The following BMPER variants were observed in gnomAD, a reference collection of about 807,000 sequenced individuals.
BMPER encodes the protein BMP-binding endothelial regulator protein.
A neutral mutation model predicts 87.3 loss-of-function variants in BMPER; 45 were observed. The ratio of observed to expected loss-of-function variants is 0.52; its 90% CI spans 0.41 to 0.66. The LOEUF is 0.66. BMPER is among the 30% of genes least tolerant of loss of function. The pLI, the probability that BMPER is intolerant of heterozygous loss-of-function variation, is 0.00. For synonymous variants in BMPER, 326 were observed against 316.2 expected, an observed-to-expected ratio of 1.03 and a Z score of -0.33; for missense variants, 784 against 867.5, an observed-to-expected ratio of 0.90 and a Z score of 1.21.
intron 13 of BMPER, among the ~76,000 whole-genome samples, chr7:34,136,260 T>A (rs1442424346): frequency 6.6e-6 from 1 of 152,090 alleles, no homozygotes; most frequent in Non-Finnish European, 1.5e-5. Context: ...TCTGGCCGTG[T>A]TTTTCATGTG....
chr7:33,963,471 T>G (rs1360549768), intron 3 of BMPER, among the ~76,000 whole-genome samples: 3 of 152,174 alleles, frequency 2.0e-5, no homozygotes, highest in Non-Finnish European at 4.4e-5. Context: ...TTATATTTTA[T>G]AAAAGTATCA....
At chr7:34,101,262 A>C (rs1188487963) in intron 13 of BMPER, among the ~76,000 whole-genome samples, 1 of 152,140 alleles carries the variant, frequency 6.6e-6, no homozygotes, top group African/African-American at 2.4e-5. Flanking sequence ...GTAACTGTTT[A>C]GTGGAATAGA....
intron 6 of BMPER, among the ~76,000 whole-genome samples, chr7:34,040,024 C>T (rs1260170095): frequency 6.6e-6 from 1 of 151,816 alleles, no homozygotes; most frequent in Admixed American, 6.6e-5. Flanking sequence ...CTAGATGATA[C>T]CACCACCTCT....
intron 2 of BMPER, among the ~76,000 whole-genome samples, chr7:33,928,278 G>C (rs1444122174): frequency 6.6e-6 from 1 of 152,220 alleles, no homozygotes; most frequent in East Asian, 1.9e-4. Context: ...TTGCTTTTGG[G>C]AACTGAGCAC....
intron 13 of BMPER, among the ~76,000 whole-genome samples, chr7:34,138,568 A>C (rs141192826): frequency 4.2e-4 from 64 of 152,316 alleles, no homozygotes; most frequent in Non-Finnish European, 7.3e-4. Flanking sequence ...CTTGGCTGCC[A>C]GGCAAGATGC....
intron 11 of BMPER, among the ~76,000 whole-genome samples, chr7:34,065,829 G>A (rs375923357): frequency 4.6e-5 from 7 of 152,112 alleles, no homozygotes; most frequent in African/African-American, 1.4e-4. Context: ...CCACTCTTAC[G>A]TGTTTTCAGC....
At chr7:33,981,747 A>G (rs929440414) in intron 6 of BMPER, among the ~76,000 whole-genome samples, 13 of 152,170 alleles carry the variant, frequency 8.5e-5, no homozygotes, top group Admixed American at 4.6e-4. Flanking sequence ...GTCTTTACCA[A>G]TTCGGCAGAG....
At chr7:34,130,235 A>G (rs1790547734) in intron 13 of BMPER, among the ~76,000 whole-genome samples, 3 of 151,112 alleles carry the variant, frequency 2.0e-5, no homozygotes, top group Admixed American at 1.3e-4. Flanking sequence ...CCTTCAAATT[A>G]TCTCCTCATT....
intron 13 of BMPER, among the ~76,000 whole-genome samples, chr7:34,102,080 G>A (rs773013196): frequency 1.1e-4 from 17 of 152,100 alleles, no homozygotes; most frequent in Non-Finnish European, 2.1e-4. Flanking sequence ...AAGCCAGGGC[G>A]AATTTCACTT....
chr7:34,033,937 G>A (rs73329135), intron 6 of BMPER, among the ~76,000 whole-genome samples: 18,660 of 152,206 alleles, frequency 0.12, 1,633 homozygotes, highest in African/African-American at 0.25. Flanking sequence ...CTGAAATAAG[G>A]TACTAACTAA....
At chr7:34,124,569 T>G (rs972326557) in intron 13 of BMPER, among the ~76,000 whole-genome samples, 1 of 152,154 alleles carries the variant, frequency 6.6e-6, no homozygotes, top group Non-Finnish European at 1.5e-5. Context: ...GCTGATTTTT[T>G]TGAAGTTTCT....
chr7:34,132,224 G>T (rs923026670), intron 13 of BMPER, among the ~76,000 whole-genome samples: 1 of 152,132 alleles, frequency 6.6e-6, no homozygotes, highest in East Asian at 1.9e-4. Flanking sequence ...GAAGGCATTT[G>T]CTCTCAAGTG....
At chr7:34,138,891 T>C (rs1221815520) in intron 13 of BMPER, among the ~76,000 whole-genome samples, 1 of 152,158 alleles carries the variant, frequency 6.6e-6, no homozygotes, top group Non-Finnish European at 1.5e-5. Context: ...AAGCCATAAA[T>C]CTCAGTCACT....
chr7:34,102,021 A>G (rs191472506), intron 13 of BMPER, among the ~76,000 whole-genome samples: 82 of 152,336 alleles, frequency 5.4e-4, no homozygotes, highest in African/African-American at 1.9e-3. Context: ...TTAAAGTTGT[A>G]ACACATTTCA....
intron 2 of BMPER, among the ~76,000 whole-genome samples, chr7:33,918,582 C>G (rs1784140150): frequency 6.6e-6 from 1 of 152,056 alleles, no homozygotes; most frequent in Non-Finnish European, 1.5e-5. Flanking sequence ...TTTTTTTGGT[C>G]TCAGGGGAAC....
intron 11 of BMPER, 137 bp downstream of exon 11, chr7:34,062,184 AC>A: frequency 5.3e-6 from 4 of 750,158 alleles, no homozygotes; most frequent in Non-Finnish European, 8.9e-6. Context: ...TCACCTCCCT[AC>A]AGTCACTTTA....
At chr7:33,928,483 T>C (rs1784410687) in intron 2 of BMPER, among the ~76,000 whole-genome samples, 1 of 151,974 alleles carries the variant, frequency 6.6e-6, no homozygotes, top group Non-Finnish European at 1.5e-5. Flanking sequence ...TTTTTTGTGT[T>C]CTGCCATCTC....
chr7:33,984,061 A>G (rs1479522730), intron 6 of BMPER, among the ~76,000 whole-genome samples: 1 of 152,210 alleles, frequency 6.6e-6, no homozygotes, highest in African/African-American at 2.4e-5. Context: ...GAAAATTGAG[A>G]CATAATCTAT....
intron 13 of BMPER, among the ~76,000 whole-genome samples, chr7:34,112,330 T>C (rs566321761): frequency 2.6e-5 from 4 of 151,022 alleles, no homozygotes; most frequent in African/African-American, 9.7e-5. Context: ...CCGTATCTAC[T>C]AAAAAAATAC....
Sources: allele counts gnomAD v4.1 joint callset (sites outside exome capture counted in the v4.1 genomes callset), GRCh38; gene constraint gnomAD v4.1.1; transcripts MANE v1.5; gene names NCBI Gene and HGNC (gene_info 2026-07-23, HGNC 2026-07-21).